SLC30A3: variants seen among roughly 807,000 people sequenced by gnomAD.
SLC30A3 encodes the protein solute carrier family 30 member 3.
SLC30A3 carries 20 observed loss-of-function variants against 35.6 expected under a neutral mutation model. That is an observed-to-expected ratio of 0.56 (90% CI 0.39 to 0.82). The LOEUF (loss-of-function observed/expected upper bound fraction) is 0.82, where lower values mean the gene tolerates loss of function less well. Among genes scored for constraint, SLC30A3 ranks in the 40% least tolerant of loss-of-function variants. SLC30A3 has a pLI of 0.00. For synonymous variants in SLC30A3, 217 were observed against 224.7 expected (o/e 0.97, Z 0.31); for missense variants, 401 against 530.6 (o/e 0.76, Z 2.40).
At chr2:27,267,329 T>A (rs1206355938), upstream of SLC30A3, among the ~76,000 whole-genome samples, 1 of 152,178 alleles carries the variant, frequency 6.6e-6, no homozygotes, top group Non-Finnish European at 1.5e-5. Context: ...TAGGTAAACA[T>A]AGATCAGATT....
rs758805732 is a variant in SLC30A3 at position 27,257,991 on chromosome 2, G to A, written c.492C>T (p.Ala164=). 1.9e-6 allele frequency: 3 copies of A among 1,614,214 alleles called. No homozygotes were observed. The South Asian group carries it at 3.3e-5, about 18-fold the overall frequency. The change falls in exon 4 of 8, where the codon GCC becomes GCT. Residue 164 remains alanine (A), a synonymous_variant. Transcript: ENST00000233535. This position sits in a 1 kb window ranked among gnomAD's most constrained non-coding sequence, Gnocchi z 4.7. ...WMVTGILLYL[A]FVRLLHSDYH... is the part of the protein sequence containing the mutation. ...AGTCGCTGTGCAGCAGGCGGACGAAGGCCAGGTACAGGAGGATGCCAGTGA... is the reference window on the plus strand; with the variant it reads ...AGTCGCTGTGCAGCAGGCGGACGAAAGCCAGGTACAGGAGGATGCCAGTGA...
At chr2:27,270,675 C>T (rs1452694719) in intron 1 of SLC30A3, among the ~76,000 whole-genome samples, 1 of 152,160 alleles carries the variant, frequency 6.6e-6, no homozygotes, top group African/African-American at 2.4e-5. Flanking sequence ...ACAGGTAAGA[C>T]AGGTGCTGTT....
At chr2:27,267,068 C>G (rs375450440), upstream of SLC30A3, among the ~76,000 whole-genome samples, 18 of 152,246 alleles carry the variant, frequency 1.2e-4, no homozygotes, top group East Asian at 3.5e-3. Context: ...TCACGCCATC[C>G]TGAACCTTCT....
chr2:27,267,687 C>A (rs1223710622), upstream of SLC30A3, among the ~76,000 whole-genome samples: 1 of 152,112 alleles, frequency 6.6e-6, no homozygotes, highest in East Asian at 1.9e-4. Flanking sequence ...GTAATCCCAG[C>A]ACTTTGGGAG....
In SLC30A3 at chr2:27,262,937, C is replaced by G; in HGVS notation, c.-31G>C. 2 of 1,519,128 alleles carry G rather than the reference C, an allele frequency of 1.3e-6. No homozygotes were observed. Among genetic ancestry groups the G allele is most frequent in the Non-Finnish European group, 1.7e-6 (2 of 1,143,864 alleles). 94.1% of individuals were successfully genotyped at this position (1,519,128 alleles called of 1,614,324 possible). On this transcript the variant is annotated 5_prime_UTR_variant, in exon 1 of 8. Transcript: ENST00000233535. This position sits in a 1 kb window ranked among gnomAD's most constrained non-coding sequence, Gnocchi z 7.5. ...CGGTGCCCCGACCGTCTAGGCCCCA[C>G]CGAGGAAGAGAGAGGCCGGGCCGGC...
At position 27,258,615 on chromosome 2, in the gene SLC30A3, G is replaced by T; in HGVS notation, c.277+138C>A. The T allele has an allele frequency of 1.0e-6, 1 of 961,606 alleles. No individual in the cohort carries two copies. Among genetic ancestry groups the T allele is most frequent in the Non-Finnish European group, 1.6e-6 (1 of 633,588 alleles). The allele number at this position is 961,606 out of a possible 1,614,324, so 59.6% of individuals were successfully genotyped here. On this transcript the variant is annotated intron_variant, in intron 2 of 7. Coordinates refer to ENST00000233535, the MANE Select transcript of SLC30A3 (RefSeq NM_003459.5). The surrounding 1 kb of genome is among the most constrained non-coding windows in gnomAD (Gnocchi z 4.0). Reference sequence around the variant, plus strand: ...GTCCCTTATCCCTCCTACTTCCTGAGTCCTGGGCACCCAGCTCCCCTATCC... The same window carrying T: ...GTCCCTTATCCCTCCTACTTCCTGATTCCTGGGCACCCAGCTCCCCTATCC...
chr2:27,262,738 A>C lies in SLC30A3; in HGVS notation c.95+74T>G. ...GGGGCGGCCGCCGGGGCCCGCGCCGAGAGAGACAACGAAATGGACGGAGGG... is the reference window on the plus strand; with the variant it reads ...GGGGCGGCCGCCGGGGCCCGCGCCGCGAGAGACAACGAAATGGACGGAGGG... On this transcript the variant is annotated intron_variant, in intron 1 of 7. Transcript: ENST00000233535. The surrounding 1 kb of genome is among the most constrained non-coding windows in gnomAD (Gnocchi z 7.5). The C allele has an allele frequency of 3.6e-6, 5 of 1,378,550 alleles. No homozygotes were observed. The highest frequency in any genetic ancestry group is 4.8e-6 in the Non-Finnish European group (5 of 1,051,214). 85.4% of individuals were successfully genotyped at this position (1,378,550 alleles called of 1,614,324 possible).
intron 1 of SLC30A3, among the ~76,000 whole-genome samples, chr2:27,268,735 A>G (rs1677604062): frequency 6.6e-6 from 1 of 152,108 alleles, no homozygotes; most frequent in Non-Finnish European, 1.5e-5. Context: ...AAAAAAAAAA[A>G]AGAAAGGTTC....
At chr2:27,275,399 A>C (rs1677970904), upstream of SLC30A3, 8 of 385,878 alleles carry the variant, frequency 2.1e-5, no homozygotes, top group South Asian at 1.6e-4. Context: ...TGGCCTCCCC[A>C]CCCAGTGCTT....
rs1235359416 is a variant in SLC30A3 at position 27,255,261 on chromosome 2, A to G, written c.*51T>C. The G allele has an allele frequency of 6.2e-7, 1 of 1,610,202 alleles. No individual in the cohort carries two copies. Among genetic ancestry groups the G allele is most frequent in the Non-Finnish European group, 8.5e-7 (1 of 1,177,754 alleles). ...TGTGATCAGGGCAGCAGATGCTGAG[A>G]GTCTGGGGCTGAGCCTCGGCCTGGC... On this transcript the variant is annotated 3_prime_UTR_variant, in exon 8 of 8. Transcript: ENST00000233535. This position sits in a 1 kb window ranked among gnomAD's most constrained non-coding sequence, Gnocchi z 5.2.
In SLC30A3 at chr2:27,268,648, G is replaced by A. The variant is rs1332630869; in HGVS notation, c.-158-4566C>T. Among the ~76,000 whole-genome samples, 4 of 152,132 alleles carry A rather than the reference G, an allele frequency of 2.6e-5. No homozygotes were observed. In the South Asian group the frequency reaches 8.3e-4, roughly 32 times the overall value. ...GGCGCCTGTGGTCCCAGCTCCTCCG[G>A]AGGCTGAGGCAGGAGAATGGCGTGA... On this transcript the variant is annotated intron_variant, in intron 1 of 5. Coordinates refer to the SLC30A3 transcript ENST00000424577.
exon 1 of SLC30A3, chr2:27,275,321 T>C (rs1650184352): frequency 3.6e-6 from 3 of 829,532 alleles, no homozygotes; most frequent in Non-Finnish European, 5.3e-6. Context: ...TACGCTGCCT[T>C]GGGCCGCAGG....
At chr2:27,259,338 C>T (rs1397484527) in intron 1 of SLC30A3, among the ~76,000 whole-genome samples, 1 of 152,114 alleles carries the variant, frequency 6.6e-6, no homozygotes, top group East Asian at 1.9e-4. Context: ...ACTAAAAATG[C>T]AAAAATTAGC....
exon 1 of SLC30A3, chr2:27,275,305 C>T (rs1446366417): frequency 3.2e-6 from 3 of 942,576 alleles, no homozygotes; most frequent in African/African-American, 1.7e-5. Flanking sequence ...CTGGCAGCAA[C>T]GCTCCTACGC....
upstream of SLC30A3, among the ~76,000 whole-genome samples, chr2:27,268,000 T>C (rs373696851): frequency 6.6e-6 from 1 of 152,002 alleles, no homozygotes; most frequent in South Asian, 2.1e-4. Context: ...TCTATTTCTA[T>C]TCCTTGTTTT....
rs1213293160 is a variant in SLC30A3 at position 27,254,287 on chromosome 2, C to T, written c.*1025G>A. 6.6e-6 allele frequency: 1 copy of T among 152,318 alleles called. No individual in the cohort carries two copies. The highest frequency in any genetic ancestry group is 1.5e-5 in the Non-Finnish European group (1 of 68,132). 9.4% of individuals were successfully genotyped at this position (152,318 alleles called of 1,614,324 possible). A position where few individuals can be genotyped will look rare whatever the true frequency, so the allele number is the denominator to read the frequency against. On this transcript the variant is annotated 3_prime_UTR_variant, in exon 8 of 8. Coordinates refer to ENST00000233535, the MANE Select transcript of SLC30A3 (RefSeq NM_003459.5). ...AGGGACCTCTGAGAACGACTGACTCCCAGGGATTCCTTGGCTCCTTACCTT... is the reference window on the plus strand; with the variant it reads ...AGGGACCTCTGAGAACGACTGACTCTCAGGGATTCCTTGGCTCCTTACCTT...
rs769298616 is a variant in SLC30A3 at position 27,258,062 on chromosome 2, C to T, written c.425-4G>A. 53 of 1,613,404 alleles carry T rather than the reference C, an allele frequency of 3.3e-5. No individual in the cohort carries two copies. The highest frequency in any genetic ancestry group is 1.6e-4 in the Middle Eastern group (1 of 6,084). On this transcript the variant is annotated splice_region_variant and splice_polypyrimidine_tract_variant and intron_variant, in intron 3 of 7. Transcript: ENST00000233535. This position sits in a 1 kb window ranked among gnomAD's most constrained non-coding sequence, Gnocchi z 4.0. ...GAGGCCAAAGCCCCCAGAGTCTCTG[C>T]GGGTGGGGGGGGAGACAAGCTGTCA...
At chr2:27,265,894 T>A (rs1055987409), upstream of SLC30A3, among the ~76,000 whole-genome samples, 5 of 152,052 alleles carry the variant, frequency 3.3e-5, no homozygotes, top group Non-Finnish European at 5.9e-5. This position sits in a 1 kb window ranked among gnomAD's most constrained non-coding sequence, Gnocchi z 5.9. Flanking sequence ...AGGAGCTAGT[T>A]GAGTGGAAGC....
rs747840676 is a variant in SLC30A3 at position 27,255,501 on chromosome 2, G to A, written c.1019-41C>T. The A allele has an allele frequency of 3.7e-6, 6 of 1,602,266 alleles. No homozygotes were observed. The highest frequency in any genetic ancestry group is 5.1e-6 in the Non-Finnish European group (6 of 1,175,114). Reference sequence around the variant, plus strand: ...AAGAGGCGGCATCCATCCCGGGGGAGAAAGAACAGGCAGGGACTGAGATAA... The same window carrying A: ...AAGAGGCGGCATCCATCCCGGGGGAAAAAGAACAGGCAGGGACTGAGATAA... On this transcript the variant is annotated intron_variant, in intron 7 of 7. Transcript: ENST00000233535. This position sits in a 1 kb window ranked among gnomAD's most constrained non-coding sequence, Gnocchi z 5.2.
Sources: allele counts gnomAD v4.1 joint callset (sites outside exome capture counted in the v4.1 genomes callset), GRCh38; gene constraint gnomAD v4.1.1; non-coding constraint Gnocchi (gnomAD v3.1); transcripts MANE v1.5; gene names NCBI Gene and HGNC (gene_info 2026-07-23, HGNC 2026-07-21).